ERBB4: variants seen among roughly 807,000 people sequenced by gnomAD.
ERBB4 encodes the protein receptor tyrosine-protein kinase erbB-4.
A neutral mutation model predicts 158.0 loss-of-function variants in ERBB4; 42 were observed. The observed-to-expected ratio is 0.27, with a 90% CI of 0.21 to 0.34. The LOEUF (loss-of-function observed/expected upper bound fraction) is 0.34. ERBB4 is among the 10% of genes least tolerant of loss of function. The probability of loss-of-function intolerance (pLI) is 1.00; values close to 1 mark genes in which losing one functional copy is unlikely to be tolerated. For missense variants in ERBB4, 1,333 were observed against 1,624.1 expected (o/e 0.82, Z 3.08); for synonymous variants, 583 against 558.7 (o/e 1.04, Z -0.61).
At chr2:211,957,622 T>C (rs1320488095) in intron 2 of ERBB4, among the ~76,000 whole-genome samples, 1 of 152,134 alleles carries the variant, frequency 6.6e-6, no homozygotes, top group South Asian at 2.1e-4. Context: ...CCTAGGATTA[T>C]TTTGAGAAGT....
At chr2:211,768,517 T>C (rs1041974522) in intron 4 of ERBB4, among the ~76,000 whole-genome samples, 1 of 152,208 alleles carries the variant, frequency 6.6e-6, no homozygotes, top group African/African-American at 2.4e-5. Context: ...TTCCTGGACA[T>C]GCAGACATTT....
At chr2:211,753,255 C>T (rs1230028394) in intron 4 of ERBB4, among the ~76,000 whole-genome samples, 1 of 150,632 alleles carries the variant, frequency 6.6e-6, no homozygotes, top group Non-Finnish European at 1.5e-5. Flanking sequence ...AGAGAGTTCC[C>T]ATAGTAATTA....
At chr2:211,421,177 G>A (rs3791705) in intron 24 of ERBB4, among the ~76,000 whole-genome samples, 65,473 of 151,722 alleles carry the variant, frequency 0.43, 15,935 homozygotes, top group African/African-American at 0.66. Context: ...TATTTCTTAA[G>A]TATTTTTCCT....
In ERBB4 at chr2:211,877,736, T is replaced by A. The variant is rs148553323; in HGVS notation, c.421+69694A>T. Among the ~76,000 whole-genome samples the A allele has an allele frequency of 1.9e-3, 294 of 152,340 alleles. 1 individual carries two copies. The highest frequency in any genetic ancestry group is 6.8e-3 in the African/African-American group (283 of 41,582). Reference sequence around the variant, plus strand: ...ATACTCACCAAAATGTAACTACTTATTATTTTGGGTTTAAGAAATAATAGA... The same window carrying A: ...ATACTCACCAAAATGTAACTACTTAATATTTTGGGTTTAAGAAATAATAGA... On this transcript the variant is annotated intron_variant, in intron 3 of 27. Coordinates refer to ENST00000342788, the MANE Select transcript of ERBB4 (RefSeq NM_005235.3).
At chr2:211,548,062 G>A (rs996998360) in intron 20 of ERBB4, among the ~76,000 whole-genome samples, 2 of 152,048 alleles carry the variant, frequency 1.3e-5, no homozygotes, top group Non-Finnish European at 2.9e-5. Context: ...GCTTCAGTGG[G>A]ATTCTGGGAC....
intron 3 of ERBB4, among the ~76,000 whole-genome samples, chr2:211,888,696 C>T (rs1297738280): frequency 6.6e-6 from 1 of 151,504 alleles, no homozygotes; most frequent in Non-Finnish European, 1.5e-5. Context: ...GTGCGCGCAC[C>T]GTGCGCGAGC....
chr2:211,922,215 C>T (rs2079875015), intron 3 of ERBB4, among the ~76,000 whole-genome samples: 1 of 152,062 alleles, frequency 6.6e-6, no homozygotes, highest in East Asian at 1.9e-4. Context: ...CTTAACAGCA[C>T]AGCAAATGCA....
Position 211,383,951 on chromosome 2 carries a change from C to T in ERBB4, c.3591G>A (p.Lys1197=), listed in dbSNP as rs2125311506. 6.2e-7 allele frequency: 1 copy of T among 1,614,122 alleles called. No individual in the cohort carries two copies. The highest frequency in any genetic ancestry group is 8.5e-7 in the Non-Finnish European group (1 of 1,180,028). ...GCTCATTCACATACTCATCCTCGGC[C>T]TTGGGTGGACCATTGGATGCATTGT... ...EYHNASNGPP[K]AEDEYVNEPL... The change falls in exon 28 of 28, where the codon AAG becomes AAA. Residue 1197 remains lysine (K), a synonymous_variant. Transcript: ENST00000342788.
At chr2:212,179,992 G>T (rs2081805723) in intron 1 of ERBB4, among the ~76,000 whole-genome samples, 1 of 151,340 alleles carries the variant, frequency 6.6e-6, no homozygotes, top group Non-Finnish European at 1.5e-5. Context: ...GGCCTATTGG[G>T]GTACAATTAT....
chr2:212,426,593 A>G (rs1366604122), intron 1 of ERBB4, among the ~76,000 whole-genome samples: 4 of 152,082 alleles, frequency 2.6e-5, no homozygotes, highest in African/African-American at 9.7e-5. Flanking sequence ...AAGTTCCTCA[A>G]GGTTCCTGCG....
intron 1 of ERBB4, among the ~76,000 whole-genome samples, chr2:212,195,422 T>G (rs1414501177): frequency 2.6e-5 from 4 of 152,042 alleles, no homozygotes; most frequent in Admixed American, 6.6e-5. Flanking sequence ...CATAACAAGT[T>G]AGACAGTCAC....
chr2:212,507,950 G>T (rs1691287704), intron 1 of ERBB4, among the ~76,000 whole-genome samples: 1 of 152,068 alleles, frequency 6.6e-6, no homozygotes, highest in East Asian at 1.9e-4. Context: ...TTCATGAAAG[G>T]AAGAGTCAAC....
At position 211,762,035 on chromosome 2, in the gene ERBB4, A is replaced by T. The variant is rs1456532466; in HGVS notation, c.557-11331T>A. Among the ~76,000 whole-genome samples the T allele has an allele frequency of 2.0e-5, 3 of 152,354 alleles. No individual in the cohort carries two copies. In the East Asian group the frequency reaches 5.8e-4, roughly 29 times the overall value. On this transcript the variant is annotated intron_variant, in intron 4 of 27. Coordinates refer to ENST00000342788, the MANE Select transcript of ERBB4 (RefSeq NM_005235.3). The stretch of plus-strand genomic sequence containing the variant: ...CACATATTTGATGAAGGAATGACTA[A>T]GTTGAATATCACATGCAAAGTACCT...
intron 2 of ERBB4, among the ~76,000 whole-genome samples, chr2:212,025,618 T>A (rs1338095086): frequency 6.6e-6 from 1 of 151,792 alleles, no homozygotes; most frequent in Non-Finnish European, 1.5e-5. Context: ...TTCCTAAGTC[T>A]GTTGCATTAA....
At chr2:211,653,016 T>C (rs1440468910) in intron 16 of ERBB4, among the ~76,000 whole-genome samples, 1 of 152,138 alleles carries the variant, frequency 6.6e-6, no homozygotes, top group Non-Finnish European at 1.5e-5. Context: ...GAATCTAAAA[T>C]GGATTAGAAT....
chr2:212,472,525 G>T, intron 1 of ERBB4, among the ~76,000 whole-genome samples: 1 of 151,240 alleles, frequency 6.6e-6, no homozygotes, highest in Non-Finnish European at 1.5e-5. Flanking sequence ...GATGTTTTGA[G>T]TTCCATATTA....
chr2:212,254,762 T>C (rs7586610), intron 1 of ERBB4, among the ~76,000 whole-genome samples: 9,051 of 152,222 alleles, frequency 0.059, 371 homozygotes, highest in African/African-American at 0.12. Context: ...GCAGTGTTTA[T>C]GCATTAAAAG....
intron 3 of ERBB4, among the ~76,000 whole-genome samples, chr2:211,792,021 A>G (rs1160931715): frequency 1.3e-5 from 2 of 151,794 alleles, no homozygotes; most frequent in Non-Finnish European, 3.0e-5. Context: ...AATGTTTTTC[A>G]GTGCTGTATC....
At chr2:211,454,034 T>C (rs548283017) in intron 20 of ERBB4, among the ~76,000 whole-genome samples, 1 of 152,316 alleles carries the variant, frequency 6.6e-6, no homozygotes, top group East Asian at 1.9e-4. Context: ...CAAATGTCTC[T>C]GGAAAAAAAT....
Sources: allele counts gnomAD v4.1 joint callset (sites outside exome capture counted in the v4.1 genomes callset), GRCh38; gene constraint gnomAD v4.1.1; transcripts MANE v1.5; gene names NCBI Gene and HGNC (gene_info 2026-07-23, HGNC 2026-07-21).